The following GRB14 variants were observed in gnomAD, a reference collection of about 807,000 sequenced individuals.
The protein encoded by GRB14 is growth factor receptor-bound protein 14.
A neutral mutation model predicts 69.1 loss-of-function variants in GRB14; 38 were observed. That is an observed-to-expected ratio of 0.55 (90% CI 0.42 to 0.72). GRB14 has a LOEUF of 0.72. Ranked by LOEUF, GRB14 falls within the 30% of genes least tolerant of loss-of-function variation. The probability of loss-of-function intolerance (pLI) is 0.00; values close to 1 mark genes in which losing one functional copy is unlikely to be tolerated. For missense variants in GRB14, 666 were observed against 666.1 expected, an observed-to-expected ratio of 1.00 and a Z score of 0.00; for synonymous variants, 247 against 241.3, an observed-to-expected ratio of 1.02 and a Z score of -0.22.
Position 164,621,138 on chromosome 2 carries a change from G to A in GRB14, c.172C>T (p.Arg58Cys). ...RALLPLPDGT[R>C]GCAADRRKKK... The stretch of plus-strand genomic sequence containing the variant: ...GCCTACCTGTCTGCAGCACAGCCGC[G>A]GGTCCCGTCCGGAAGGGGCAGGAGC... The change falls in exon 1 of 14, where the codon CGC (arginine) becomes TGC (cysteine). Residue 58 changes from arginine (R) to cysteine (C), a missense_variant. Arg to Cys is a radical substitution (Grantham distance 180). Transcript: ENST00000263915. The surrounding 1 kb of genome is among the most constrained non-coding windows in gnomAD (Gnocchi z 6.0). The A allele has an allele frequency of 8.0e-7, 1 of 1,246,114 alleles. No homozygotes were observed. Among genetic ancestry groups the A allele is most frequent in the Non-Finnish European group, 1.0e-6 (1 of 988,386 alleles). 77.2% of individuals were successfully genotyped at this position (1,246,114 alleles called of 1,614,324 possible). A position where few individuals can be genotyped will look rare whatever the true frequency, so the allele number is the denominator to read the frequency against.
rs138498704 is a variant in GRB14, at chr2:164,536,593, T to C, written c.482-9458A>G. Among the ~76,000 whole-genome samples, 409 of 152,284 alleles carry C rather than the reference T, an allele frequency of 2.7e-3. 2 individuals carry two copies. The highest frequency in any genetic ancestry group is 9.4e-3 in the African/African-American group (392 of 41,550). ...TGCTCTATATGAGTGTATGTGTATA[T>C]ACTTTTTATAATATTAGAAAACATC... On this transcript the variant is annotated intron_variant, in intron 3 of 13. Coordinates refer to ENST00000263915, the MANE Select transcript of GRB14 (RefSeq NM_004490.3).
intron 9 of GRB14, among the ~76,000 whole-genome samples, chr2:164,499,487 T>A (rs1559020744): frequency 6.6e-6 from 1 of 152,138 alleles, no homozygotes; most frequent in Non-Finnish European, 1.5e-5. Flanking sequence ...CAAAAGGTCA[T>A]TTTCAGATCA....
chr2:164,533,490 G>C (rs1688005181), intron 3 of GRB14, among the ~76,000 whole-genome samples: 7 of 151,978 alleles, frequency 4.6e-5, no homozygotes, highest in Admixed American at 4.6e-4. Flanking sequence ...AAAGTGCTGG[G>C]ATTACAGGCG....
chr2:164,591,344 T>C lies in GRB14; in HGVS notation c.324+28343A>G, dbSNP rs73971055. On this transcript the variant is annotated intron_variant, in intron 2 of 13. Transcript: ENST00000263915. Reference sequence around the variant, plus strand: ...AAGTGTTTACTGAGTGACAAAATCTTGAAGGTCAAAAAGAAAAATTGCTAT... The same window carrying C: ...AAGTGTTTACTGAGTGACAAAATCTCGAAGGTCAAAAAGAAAAATTGCTAT... Among the ~76,000 whole-genome samples the C allele has an allele frequency of 3.6e-3, 546 of 152,210 alleles. 3 individuals carry two copies. The highest frequency in any genetic ancestry group is 0.012 in the African/African-American group (517 of 41,544).
At chr2:164,618,092 G>A (rs1435738117) in intron 2 of GRB14, among the ~76,000 whole-genome samples, 2 of 151,826 alleles carry the variant, frequency 1.3e-5, no homozygotes, top group African/African-American at 2.4e-5. Context: ...TCCGCCTCCC[G>A]AGTAGCTGGG....
chr2:164,560,653 T>C (rs73020281), intron 2 of GRB14, among the ~76,000 whole-genome samples: 3,204 of 152,248 alleles, frequency 0.021, 107 homozygotes, highest in African/African-American at 0.073. Flanking sequence ...GAACTCAAAC[T>C]TGGAGTTTTC....
Position 164,614,638 on chromosome 2 carries a change from T to A in GRB14, c.324+5049A>T, listed in dbSNP as rs892720620. 2.0e-5 allele frequency among the ~76,000 whole-genome samples: 3 copies of A among 152,266 alleles called. No individual in the cohort carries two copies. In the East Asian group the frequency reaches 5.8e-4, roughly 29 times the overall value. On this transcript the variant is annotated intron_variant, in intron 2 of 13. Transcript: ENST00000263915. Reference sequence around the variant, plus strand: ...ACTTTAGCAAAGAAAATAAAATTTTTAAAAAAGAAATAGATGGAGTAAATG... The same window carrying A: ...ACTTTAGCAAAGAAAATAAAATTTTAAAAAAAGAAATAGATGGAGTAAATG...
At chr2:164,541,353 T>C (rs1688234536) in intron 3 of GRB14, among the ~76,000 whole-genome samples, 1 of 151,938 alleles carries the variant, frequency 6.6e-6, no homozygotes, top group Non-Finnish European at 1.5e-5. Flanking sequence ...GTGCCTGTAA[T>C]CTCAGCTACT....
In GRB14 at chr2:164,616,425, CAAAAAAAAAAAA is replaced by C. The variant is rs34263597; in HGVS notation, c.324+3250_324+3261del. On this transcript the variant is annotated intron_variant, in intron 2 of 13. Coordinates refer to ENST00000263915, the MANE Select transcript of GRB14 (RefSeq NM_004490.3). ...TGGGCGACAGAGCGAGACTCCGTCT[CAAAAAAAAAAAA>C]AAAAAAAAAAAAAGAATATGGATTC... 3.2e-4 allele frequency among the ~76,000 whole-genome samples: 21 copies of C among 66,666 alleles called. No homozygotes were observed. The East Asian group carries it at 0.012, about 38-fold the overall frequency. The allele number at this position is 66,666 out of a possible 152,430, so 43.7% of individuals were successfully genotyped here. A position where few individuals can be genotyped will look rare whatever the true frequency, so the allele number is the denominator to read the frequency against.
chr2:164,499,118 T>C (rs1212810500), intron 9 of GRB14, among the ~76,000 whole-genome samples: 1 of 152,144 alleles, frequency 6.6e-6, no homozygotes, highest in Non-Finnish European at 1.5e-5. Flanking sequence ...TCAATCATAA[T>C]AGCTTTATCC....
At chr2:164,495,871 A>G (rs781601927) in intron 12 of GRB14, among the ~76,000 whole-genome samples, 31 of 152,346 alleles carry the variant, frequency 2.0e-4, no homozygotes, top group Non-Finnish European at 4.4e-4. Flanking sequence ...AATACTAAAA[A>G]TAAGATAGTA....
chr2:164,519,019 T>C (rs535704350), intron 6 of GRB14, among the ~76,000 whole-genome samples: 3 of 152,282 alleles, frequency 2.0e-5, no homozygotes, highest in East Asian at 3.9e-4. Flanking sequence ...TATATCATTC[T>C]ATGAAGCCAG....
chr2:164,618,124 A>G, intron 2 of GRB14, among the ~76,000 whole-genome samples: 1 of 151,776 alleles, frequency 6.6e-6, no homozygotes, highest in Non-Finnish European at 1.5e-5. Context: ...AGGCCACCAC[A>G]CCCAGCTAAT....
At chr2:164,495,350 T>C (rs1398463472) in intron 12 of GRB14, among the ~76,000 whole-genome samples, 1 of 152,120 alleles carries the variant, frequency 6.6e-6, no homozygotes, top group Non-Finnish European at 1.5e-5. Flanking sequence ...ATATATTGTT[T>C]TAAAAAAATC....
intron 2 of GRB14, among the ~76,000 whole-genome samples, chr2:164,587,169 A>T (rs1468743795): frequency 6.6e-6 from 1 of 152,238 alleles, no homozygotes; most frequent in Non-Finnish European, 1.5e-5. Context: ...AAAAAGTCTT[A>T]TTTAAATAAC....
chr2:164,535,202 G>T (rs963825587), intron 3 of GRB14, among the ~76,000 whole-genome samples: 6 of 151,870 alleles, frequency 4.0e-5, no homozygotes, highest in African/African-American at 1.5e-4. Flanking sequence ...GGTCAGTGAG[G>T]TCTTATGGTA....
intron 3 of GRB14, among the ~76,000 whole-genome samples, chr2:164,533,472 G>A (rs1244016771): frequency 4.0e-5 from 6 of 151,518 alleles, no homozygotes; most frequent in African/African-American, 1.5e-4. Flanking sequence ...CGCCCGCCTC[G>A]GCCTCCCAAA....
chr2:164,521,979 C>T lies in GRB14; in HGVS notation c.816+1G>A. ...AACACATCATGGATACTTCAATTTA[C>T]CTTTGATGTTCCTTTAGTAGAAAAA... On this transcript the variant is annotated splice_donor_variant, in intron 6 of 13. Transcript: ENST00000263915. LOFTEE classifies it high-confidence loss of function. The T allele has an allele frequency of 6.3e-7, 1 of 1,597,002 alleles. No individual in the cohort carries two copies. The highest frequency in any genetic ancestry group is 8.5e-7 in the Non-Finnish European group (1 of 1,169,866).
intron 2 of GRB14, among the ~76,000 whole-genome samples, chr2:164,570,048 C>T (rs1348730677): frequency 2.0e-5 from 3 of 151,604 alleles, no homozygotes; most frequent in Non-Finnish European, 4.4e-5. Flanking sequence ...CTCAATTTAG[C>T]CTTCAAATAT....
Sources: gnomAD v4.1 joint callset for allele counts (sites outside exome capture counted in the v4.1 genomes callset) on GRCh38, gnomAD v4.1.1 for gene constraint, Gnocchi (gnomAD v3.1) non-coding constraint, MANE v1.5 for transcripts, NCBI Gene and HGNC (gene_info 2026-07-23, HGNC 2026-07-21) for gene names.